Variants in TRIM37 observed in about 807,000 individuals in gnomAD.
TRIM37 encodes tripartite motif containing 37, also known as E3 ubiquitin-protein ligase TRIM37.
TRIM37 carries 80 observed loss-of-function variants against 129.8 expected under a neutral mutation model. The observed-to-expected ratio is 0.62, with a 90% CI of 0.51 to 0.74. TRIM37 has a LOEUF of 0.74. TRIM37 is among the 30% of genes least tolerant of loss of function. The probability of loss-of-function intolerance (pLI) is 0.00; values close to 1 mark genes in which losing one functional copy is unlikely to be tolerated. For synonymous variants in TRIM37, 389 were observed against 387.1 expected (o/e 1.00, Z -0.06); for missense variants, 1,054 against 1,176.5 (o/e 0.90, Z 1.52).
intron 22 of TRIM37, 95 bp from the exon 23 acceptor site, chr17:59,001,809 T>A (rs2144535536): frequency 6.6e-7 from 1 of 1,520,224 alleles, no homozygotes; most frequent in Non-Finnish European, 8.9e-7. Flanking sequence ...AGATTCCTAT[T>A]GAATTTTACA....
chr17:59,031,802 T>G, intron 18 of TRIM37, 94 bp downstream of exon 18: 1 of 1,257,980 alleles, frequency 7.9e-7, no homozygotes, highest in Non-Finnish European at 1.1e-6. Context: ...AAATACACCA[T>G]GTTCCACACA....
At chr17:59,038,696 G>A (rs1227539815) in intron 17 of TRIM37, among the ~76,000 whole-genome samples, 1 of 152,062 alleles carries the variant, frequency 6.6e-6, no homozygotes, top group Admixed American at 6.6e-5. Context: ...GGAAAGAATG[G>A]ACCTAACTAA....
chr17:58,987,715 TA>T (rs1182985187), intron 24 of TRIM37, among the ~76,000 whole-genome samples: 3 of 152,042 alleles, frequency 2.0e-5, no homozygotes, highest in Non-Finnish European at 4.4e-5. Flanking sequence ...AAAAAGAAAA[TA>T]GCTCTTGGGG....
chr17:59,052,958 AAATC>A (rs1355739029), intron 13 of TRIM37, among the ~76,000 whole-genome samples: 2 of 55,608 alleles, frequency 3.6e-5, no homozygotes, highest in African/African-American at 1.3e-4. Context: ...CTGTCTCAAA[AAATC>A]AAATCAAATC....
At chr17:59,077,436 CAT>C (rs1955959220) in intron 7 of TRIM37, among the ~76,000 whole-genome samples, 1 of 152,098 alleles carries the variant, frequency 6.6e-6, no homozygotes, top group South Asian at 2.1e-4. Flanking sequence ...TATTATCAGA[CAT>C]AATTTCTACT....
intron 8 of TRIM37, among the ~76,000 whole-genome samples, chr17:59,074,128 T>C (rs2042613010): frequency 6.6e-6 from 1 of 152,256 alleles, no homozygotes; most frequent in Non-Finnish European, 1.5e-5. Context: ...AAACACATGA[T>C]TAATGCTTTG....
intron 22 of TRIM37, among the ~76,000 whole-genome samples, chr17:59,005,310 G>A (rs531081478): frequency 4.0e-5 from 6 of 151,322 alleles, no homozygotes; most frequent in South Asian, 2.1e-4. Flanking sequence ...TTGAGACGGC[G>A]TCTCACTCTG....
At chr17:59,018,706 AAAT>A (rs1390655986) in intron 19 of TRIM37, among the ~76,000 whole-genome samples, 1 of 152,116 alleles carries the variant, frequency 6.6e-6, no homozygotes, top group African/African-American at 2.4e-5. Flanking sequence ...ACAATTTCTA[AAAT>A]AATAGTAGCT....
chr17:59,017,988 T>C (rs913027696), intron 19 of TRIM37, among the ~76,000 whole-genome samples: 2 of 152,196 alleles, frequency 1.3e-5, no homozygotes, highest in African/African-American at 2.4e-5. Flanking sequence ...CAAATTTCAA[T>C]GCAGTTAAAC....
the TRIM37 span, chr17:58,972,269 C>G: frequency 1.2e-6 from 2 of 1,613,750 alleles, no homozygotes; most frequent in Non-Finnish European, 1.7e-6. Flanking sequence ...ACAAACCAGA[C>G]AGAGAGGTAA....
Position 59,049,160 on chromosome 17 carries a change from A to G in TRIM37, c.1530+18T>C. 1.9e-6 allele frequency: 3 copies of G among 1,604,012 alleles called. No individual in the cohort carries two copies. The highest frequency in any genetic ancestry group is 3.3e-4 in the Middle Eastern group (2 of 5,994). On this transcript the variant is annotated intron_variant, in intron 15 of 23. Coordinates refer to ENST00000262294, the MANE Select transcript of TRIM37 (RefSeq NM_015294.6). ...TTTTTAATCAAACACAAAAATCTAAAACTGGCCTCATTATTACATGATAAT... is the reference window on the plus strand; with the variant it reads ...TTTTTAATCAAACACAAAAATCTAAGACTGGCCTCATTATTACATGATAAT...
At chr17:59,043,376 C>CA (rs1277308108) in intron 16 of TRIM37, among the ~76,000 whole-genome samples, 1 of 152,046 alleles carries the variant, frequency 6.6e-6, no homozygotes, top group African/African-American at 2.4e-5. Context: ...AACATCTACT[C>CA]AAAAAAATCT....
chr17:59,010,272 A>C (rs1237801739), intron 22 of TRIM37, among the ~76,000 whole-genome samples: 22 of 152,174 alleles, frequency 1.4e-4, no homozygotes, highest in Admixed American at 1.4e-3. Context: ...GGAGGGAAAC[A>C]CTACTGGTAT....
intron 24 of TRIM37, among the ~76,000 whole-genome samples, chr17:58,991,192 A>C (rs892841649): frequency 1.3e-5 from 2 of 151,334 alleles, no homozygotes; most frequent in African/African-American, 4.8e-5. Flanking sequence ...AAAAAAAAAA[A>C]AGAAAAAAGT....
At chr17:58,979,442 C>A (rs564842456), downstream of TRIM37, among the ~76,000 whole-genome samples, 1 of 152,282 alleles carries the variant, frequency 6.6e-6, no homozygotes, top group South Asian at 2.1e-4. Context: ...TAACTCAAAC[C>A]TTCCTTCGTG....
At chr17:59,033,167 TATAAA>T (rs2038076489) in intron 17 of TRIM37, among the ~76,000 whole-genome samples, 1 of 152,170 alleles carries the variant, frequency 6.6e-6, no homozygotes, top group African/African-American at 2.4e-5. Context: ...AAGTAGATAA[TATAAA>T]ATATTAAAAA....
At chr17:59,025,384 T>G (rs1335170834) in intron 19 of TRIM37, among the ~76,000 whole-genome samples, 2 of 151,104 alleles carry the variant, frequency 1.3e-5, no homozygotes, top group Non-Finnish European at 2.9e-5. Context: ...TGAATATTAT[T>G]ATTAATTATA....
intron 2 of TRIM37, among the ~76,000 whole-genome samples, chr17:59,094,938 G>A (rs1014672492): frequency 7.9e-5 from 12 of 152,160 alleles, no homozygotes; most frequent in Non-Finnish European, 1.3e-4. Flanking sequence ...TGGACCAGTC[G>A]GGTGTGGTGG....
intron 17 of TRIM37, among the ~76,000 whole-genome samples, chr17:59,035,737 A>C (rs1482771646): frequency 6.6e-6 from 1 of 151,908 alleles, no homozygotes; most frequent in Non-Finnish European, 1.5e-5. Flanking sequence ...ACAGAGCGAG[A>C]TTCAAAAAAA....
Sources: gnomAD v4.1 joint callset for allele counts (sites outside exome capture counted in the v4.1 genomes callset) on GRCh38, gnomAD v4.1.1 for gene constraint, MANE v1.5 for transcripts, NCBI Gene and HGNC (gene_info 2026-07-23, HGNC 2026-07-21) for gene names.